SLC30A7: variants seen among roughly 807,000 people sequenced by gnomAD.
SLC30A7 encodes the protein solute carrier family 30 member 7, also known as zinc transporter 7.
In SLC30A7, 35 loss-of-function variants were observed where a neutral mutation model predicts 46.0. The observed-to-expected ratio is 0.76, with a 90% CI of 0.58 to 1.01. SLC30A7 has a LOEUF of 1.01. Ranked by LOEUF, SLC30A7 falls within the 50% of genes least tolerant of loss-of-function variation. The pLI is 0.00. For synonymous variants in SLC30A7, 147 were observed against 157.8 expected (o/e 0.93, Z 0.51); for missense variants, 464 against 451.1 (o/e 1.03, Z -0.26).
At chr1:100,994,771 C>T in the SLC30A7 span, among the ~76,000 whole-genome samples, 2 of 152,184 alleles carry the variant, frequency 1.3e-5, no homozygotes, top group Non-Finnish European at 2.9e-5. Flanking sequence ...AAACAATCCA[C>T]CTGCCTCAGC....
intron 8 of SLC30A7, chr1:100,941,679 TTC>T (rs1262908239): frequency 1.6e-6 from 1 of 635,534 alleles, no homozygotes; most frequent in Non-Finnish European, 3.0e-6. Context: ...TCTGAGAGTC[TTC>T]TCTTGAGACA....
chr1:100,910,953 C>A, intron 3 of SLC30A7, 110 bp from the exon 4 acceptor site: 2 of 778,470 alleles, frequency 2.6e-6, no homozygotes, highest in Non-Finnish European at 4.2e-6. Flanking sequence ...GCTTCGCTGG[C>A]CACTTATAAC....
At chr1:100,920,321 T>C (rs1652861665) in intron 7 of SLC30A7, among the ~76,000 whole-genome samples, 1 of 152,028 alleles carries the variant, frequency 6.6e-6, no homozygotes. Flanking sequence ...TTTTTTCCAG[T>C]TGTAGTTTTA....
intron 8 of SLC30A7, among the ~76,000 whole-genome samples, chr1:100,923,123 TCTC>T (rs1419576434): frequency 1.5e-5 from 2 of 132,260 alleles, no homozygotes; most frequent in Non-Finnish European, 3.2e-5. Flanking sequence ...TTCACGCCAT[TCTC>T]CTGCCTCAGC....
chr1:100,984,609 G>C (rs529496048), downstream of SLC30A7, among the ~76,000 whole-genome samples: 38 of 152,276 alleles, frequency 2.5e-4, 1 homozygote, highest in South Asian at 1.2e-3. Flanking sequence ...CTGGAACTGT[G>C]GCCCATAAAG....
At chr1:100,911,444 A>G (rs1652086662) in intron 4 of SLC30A7, among the ~76,000 whole-genome samples, 1 of 152,220 alleles carries the variant, frequency 6.6e-6, no homozygotes, top group African/African-American at 2.4e-5. Flanking sequence ...AAATATTTCT[A>G]AAGAAATTAG....
chr1:100,964,010 G>A (rs1408717796), intron 9 of SLC30A7, among the ~76,000 whole-genome samples: 2 of 152,068 alleles, frequency 1.3e-5, no homozygotes, highest in African/African-American at 4.8e-5. Context: ...GAGGTCACTG[G>A]TAGATTTAAT....
At chr1:100,988,832 A>G in the SLC30A7 span, among the ~76,000 whole-genome samples, 1 of 152,170 alleles carries the variant, frequency 6.6e-6, no homozygotes, top group Non-Finnish European at 1.5e-5. Flanking sequence ...CCTGGGCTAC[A>G]GAGTGAGACT....
rs957729706 is a variant in SLC30A7 at position 100,966,059 on chromosome 1, C to T, written c.1083+141C>T. ...CAGTGTGGGCAACATAGTGAGACCC[C>T]GTCTCTACAAAACATAAAATCAGCT... On this transcript the variant is annotated intron_variant, in intron 10 of 10. Coordinates refer to ENST00000357650, the MANE Select transcript of SLC30A7 (RefSeq NM_133496.5). 18 of 686,326 alleles carry T rather than the reference C, an allele frequency of 2.6e-5. No homozygotes were observed. In the East Asian group the frequency reaches 2.9e-4, roughly 11 times the overall value. 42.5% of individuals were successfully genotyped at this position (686,326 alleles called of 1,614,324 possible).
chr1:100,916,704 CTTTTTTTTTT>C (rs33980397), intron 6 of SLC30A7, among the ~76,000 whole-genome samples: 2 of 92,334 alleles, frequency 2.2e-5, no homozygotes, highest in African/African-American at 8.3e-5. Flanking sequence ...TTCATTCATT[CTTTTTTTTTT>C]TTTTTTTTTT....
chr1:100,985,708 A>C (rs1657226211), downstream of SLC30A7, among the ~76,000 whole-genome samples: 1 of 152,166 alleles, frequency 6.6e-6, no homozygotes, highest in Non-Finnish European at 1.5e-5. Context: ...TTTACATGAA[A>C]AAAAAAAATG....
At chr1:100,971,588 G>A (rs1310436273) in intron 10 of SLC30A7, among the ~76,000 whole-genome samples, 1 of 152,094 alleles carries the variant, frequency 6.6e-6, no homozygotes, top group Non-Finnish European at 1.5e-5. Flanking sequence ...CCAGCAGCTA[G>A]TATTTATTGA....
the SLC30A7 span, among the ~76,000 whole-genome samples, chr1:100,989,331 C>T: frequency 1.3e-5 from 2 of 152,292 alleles, no homozygotes; most frequent in Non-Finnish European, 2.9e-5. Flanking sequence ...CTATTTAAAA[C>T]CAAACAGCAA....
chr1:100,948,958 T>G (rs988960859), intron 8 of SLC30A7, among the ~76,000 whole-genome samples: 2 of 152,200 alleles, frequency 1.3e-5, no homozygotes, highest in African/African-American at 4.8e-5. Context: ...GTTTTTAACT[T>G]CCTCGTGATG....
intron 6 of SLC30A7, among the ~76,000 whole-genome samples, chr1:100,915,290 G>A (rs1329315845): frequency 2.4e-5 from 2 of 83,274 alleles, no homozygotes; most frequent in African/African-American, 9.8e-5. Context: ...TGCAGTAAGA[G>A]CACTTAACAT....
the SLC30A7 span, chr1:100,992,589 T>C: frequency 3.0e-6 from 4 of 1,346,476 alleles, no homozygotes; most frequent in South Asian, 3.5e-5. Context: ...CACATCTAAA[T>C]GTAGTAACAG....
rs1165711787 is a variant in SLC30A7, at chr1:100,981,331, A to T, written c.*6474A>T. 1 of 152,158 alleles carries T rather than the reference A, an allele frequency of 6.6e-6. No individual in the cohort carries two copies. The highest frequency in any genetic ancestry group is 1.9e-4 in the East Asian group (1 of 5,198). The allele number at this position is 152,158 out of a possible 1,614,324, so 9.4% of individuals were successfully genotyped here. ...CCCAACTTTTGTGAGTTTGATAAAT[A>T]GGATGAGTCTTTTATATTGGAAATA... On this transcript the variant is annotated 3_prime_UTR_variant, in exon 11 of 11. Transcript: ENST00000357650.
At chr1:100,921,888 A>C (rs2101032482) in intron 8 of SLC30A7, 47 bp downstream of exon 8, 1 of 1,505,080 alleles carries the variant, frequency 6.6e-7, no homozygotes, top group East Asian at 2.3e-5. Context: ...ACTGAGAGAG[A>C]AATATGTTAC....
chr1:100,920,293 T>C (rs958501802), intron 7 of SLC30A7, among the ~76,000 whole-genome samples: 3 of 152,036 alleles, frequency 2.0e-5, no homozygotes, highest in Non-Finnish European at 4.4e-5. Context: ...GGACCTTCAA[T>C]CTGCTTTGAT....
Sources: gnomAD v4.1 joint callset for allele counts (sites outside exome capture counted in the v4.1 genomes callset) on GRCh38, gnomAD v4.1.1 for gene constraint, MANE v1.5 for transcripts, NCBI Gene and HGNC (gene_info 2026-07-23, HGNC 2026-07-21) for gene names.